The following BLCAP variants were observed in gnomAD, a reference collection of about 807,000 sequenced individuals.
BLCAP encodes the protein BLCAP apoptosis inducing factor.
BLCAP carries 1 observed loss-of-function variant against 5.7 expected under a neutral mutation model. The ratio of observed to expected loss-of-function variants is 0.18; its 90% confidence interval spans 0.06 to 0.83. The LOEUF is 0.83. Among genes scored for constraint, BLCAP ranks in the 40% least tolerant of loss-of-function variants. BLCAP has a pLI of 0.71. For missense variants in BLCAP, 66 were observed against 107.6 expected (o/e 0.61, Z 1.71); for synonymous variants, 48 against 49.4 (o/e 0.97, Z 0.11).
intron 1 of BLCAP, chr20:37,522,877 G>C (rs1271817392): frequency 2.2e-6 from 2 of 897,320 alleles, no homozygotes; most frequent in African/African-American, 1.7e-5. Flanking sequence ...CGCCAGAGGA[G>C]CACTTGGCAA....
At position 37,525,464 on chromosome 20, in the gene BLCAP, G is replaced by A. The variant is rs141794613; in HGVS notation, c.-177+2329C>T. Among the ~76,000 whole-genome samples the A allele has an allele frequency of 1.5e-3, 223 of 152,292 alleles. 2 individuals are homozygous for A. The highest frequency in any genetic ancestry group is 5.0e-3 in the African/African-American group (208 of 41,572). ...TTGGCAAAGCCCTTTTCCTCCATCCGTCCATCAGCAGGGCTGTGAGTGTGG... is the reference window on the plus strand; with the variant it reads ...TTGGCAAAGCCCTTTTCCTCCATCCATCCATCAGCAGGGCTGTGAGTGTGG... On this transcript the variant is annotated intron_variant, in intron 1 of 1. Transcript: ENST00000373537.
chr20:37,522,970 C>A, intron 1 of BLCAP: 1 of 523,698 alleles, frequency 1.9e-6, no homozygotes, highest in Non-Finnish European at 3.4e-6. Context: ...CCCCTTTGCA[C>A]CGGTCCCACT....
Position 37,526,541 on chromosome 20 carries a change from A to ACGCGTGGTTCTTGGTATAT in BLCAP, c.-177+1233_-177+1251dup, listed in dbSNP as rs529683644. The ACGCGTGGTTCTTGGTATAT allele has an allele frequency of 3.2e-3, 494 of 152,232 alleles. 3 individuals are homozygous for ACGCGTGGTTCTTGGTATAT. Among genetic ancestry groups the ACGCGTGGTTCTTGGTATAT allele is most frequent in the African/African-American group, 9.7e-3 (402 of 41,534 alleles). 9.4% of individuals were successfully genotyped at this position (152,232 alleles called of 1,614,324 possible). A position where few individuals can be genotyped will look rare whatever the true frequency, so the allele number is the denominator to read the frequency against. On this transcript the variant is annotated intron_variant, in intron 1 of 1. Coordinates refer to ENST00000373537, the MANE Select transcript of BLCAP (RefSeq NM_006698.4). Reference sequence around the variant, plus strand: ...GAGCAGGAAGTCAGAGAGGCAGGCAACGCGTGGTTCTTGGTATATCGCACA... The same window carrying ACGCGTGGTTCTTGGTATAT: ...GAGCAGGAAGTCAGAGAGGCAGGCAACGCGTGGTTCTTGGTATATCGCGTGGTTCTTGGTATATCGCACA...
intron 1 of BLCAP, chr20:37,527,162 C>G (rs2071736499): frequency 6.6e-6 from 1 of 152,166 alleles, no homozygotes; most frequent in Admixed American, 6.5e-5. Flanking sequence ...GTGCGCCAGG[C>G]ATTCCGTTCC....
chr20:37,519,246 C>T lies in BLCAP; in HGVS notation c.-72G>A, dbSNP rs552204672. On this transcript the variant is annotated 5_prime_UTR_variant, in exon 2 of 2. Coordinates refer to ENST00000373537, the MANE Select transcript of BLCAP (RefSeq NM_006698.4). ...CAGGAACCGACCTAATGGGAGCCAGCGGGCGCAGGCGGCTGCCCTCCGCTT... is the reference window on the plus strand; with the variant it reads ...CAGGAACCGACCTAATGGGAGCCAGTGGGCGCAGGCGGCTGCCCTCCGCTT... The T allele has an allele frequency of 1.6e-5, 24 of 1,478,390 alleles. No homozygotes were observed. The highest frequency in any genetic ancestry group is 2.8e-5 in the South Asian group (2 of 72,586). 91.6% of individuals were successfully genotyped at this position (1,478,390 alleles called of 1,614,324 possible).
chr20:37,523,147 C>A (rs1293431346), intron 1 of BLCAP: 1 of 189,292 alleles, frequency 5.3e-6, no homozygotes, highest in East Asian at 1.3e-4. Flanking sequence ...CCGCACCAGC[C>A]AGCAGAATGG....
In BLCAP at chr20:37,521,500, T is replaced by C. The variant is rs2071571864; in HGVS notation, c.-176-2150A>G. ...CGATTGCCGCTTCCCGGACCCGTCC[T>C]ATTCCGATTGCCGCGATCCTTGCCT... On this transcript the variant is annotated intron_variant, in intron 1 of 1. Coordinates refer to ENST00000373537, the MANE Select transcript of BLCAP (RefSeq NM_006698.4). This position sits in a 1 kb window ranked among gnomAD's most constrained non-coding sequence, Gnocchi z 4.5. 1.6e-6 allele frequency: 2 copies of C among 1,244,120 alleles called. No homozygotes were observed. Among genetic ancestry groups the C allele is most frequent in the African/African-American group, 3.0e-5 (2 of 67,736 alleles). The allele number at this position is 1,244,120 out of a possible 1,614,324, so 77.1% of individuals were successfully genotyped here. A position where few individuals can be genotyped will look rare whatever the true frequency, so the allele number is the denominator to read the frequency against.
chr20:37,520,583 T>C (rs6019062), intron 1 of BLCAP: 123,511 of 152,404 alleles, frequency 0.81, 50,461 homozygotes, highest in East Asian at 0.99. Context: ...GTATCCCTCC[T>C]ACAGATACCG....
chr20:37,526,456 C>T (rs575387879), intron 1 of BLCAP, among the ~76,000 whole-genome samples: 1 of 152,298 alleles, frequency 6.6e-6, no homozygotes, highest in Admixed American at 6.5e-5. Context: ...CCCTCCCCGA[C>T]TTGCCCTCCC....
Position 37,518,454 on chromosome 20 carries a change from GA to G in BLCAP, c.*456del. 1 of 157,500 alleles carries G rather than the reference GA, an allele frequency of 6.3e-6. No individual in the cohort carries two copies. The highest frequency in any genetic ancestry group is 2.0e-4 in the South Asian group (1 of 5,118). 9.8% of individuals were successfully genotyped at this position (157,500 alleles called of 1,614,324 possible). On this transcript the variant is annotated 3_prime_UTR_variant, in exon 2 of 2. Coordinates refer to ENST00000373537, the MANE Select transcript of BLCAP (RefSeq NM_006698.4). ...CTTGGACAGGTACTCCCCAAAAAAG[GA>G]AAAGGGTAGAAGAGAAATAAAGGGA...
Position 37,521,478 on chromosome 20 carries a change from T to C in BLCAP, c.-176-2128A>G, listed in dbSNP as rs2071570103. ...TAGAACCCGCAAGACTGCGTCGCGA[T>C]TGCCGCTTCCCGGACCCGTCCTATT... On this transcript the variant is annotated intron_variant, in intron 1 of 1. Transcript: ENST00000373537. The surrounding 1 kb of genome is among the most constrained non-coding windows in gnomAD (Gnocchi z 4.5). 30 of 1,443,266 alleles carry C rather than the reference T, an allele frequency of 2.1e-5. No homozygotes were observed. In the South Asian group the frequency reaches 3.4e-4, roughly 16 times the overall value. 89.4% of individuals were successfully genotyped at this position (1,443,266 alleles called of 1,614,324 possible).
Position 37,522,557 on chromosome 20 carries a change from C to A in BLCAP, c.-176-3207G>T, listed in dbSNP as rs1049408855. On this transcript the variant is annotated intron_variant, in intron 1 of 1. Coordinates refer to ENST00000373537, the MANE Select transcript of BLCAP (RefSeq NM_006698.4). ...CGCCCGCGCCCGCCTCTCCAGCCTACGCTGGATGGGCGGGCGGGGCAGGGG... is the reference window on the plus strand; with the variant it reads ...CGCCCGCGCCCGCCTCTCCAGCCTAAGCTGGATGGGCGGGCGGGGCAGGGG... 18 of 993,236 alleles carry A rather than the reference C, an allele frequency of 1.8e-5. No individual in the cohort carries two copies. In the South Asian group the frequency reaches 2.6e-4, roughly 14 times the overall value. The allele number at this position is 993,236 out of a possible 1,614,324, so 61.5% of individuals were successfully genotyped here.
chr20:37,519,267 C>T lies in BLCAP; in HGVS notation c.-93G>A, dbSNP rs2071473921. 5.6e-6 allele frequency: 8 copies of T among 1,427,300 alleles called. No individual in the cohort carries two copies. Among genetic ancestry groups the T allele is most frequent in the Non-Finnish European group, 6.5e-6 (7 of 1,069,254 alleles). 88.4% of individuals were successfully genotyped at this position (1,427,300 alleles called of 1,614,324 possible). ...CCAGCGGGCGCAGGCGGCTGCCCTC[C>T]GCTTTCTTCAACCCTCACTCTCCAG... is the stretch of plus-strand genomic sequence containing the variant. On this transcript the variant is annotated 5_prime_UTR_variant, in exon 2 of 2. Transcript: ENST00000373537.
At chr20:37,526,116 G>C (rs1452660983) in intron 1 of BLCAP, among the ~76,000 whole-genome samples, 1 of 152,106 alleles carries the variant, frequency 6.6e-6, no homozygotes, top group Non-Finnish European at 1.5e-5. Context: ...TGCTGTCAGG[G>C]AAGGGCAGGG....
chr20:37,521,175 T>G lies in BLCAP; in HGVS notation c.-176-1825A>C. On this transcript the variant is annotated intron_variant, in intron 1 of 1. Transcript: ENST00000373537. This position sits in a 1 kb window ranked among gnomAD's most constrained non-coding sequence, Gnocchi z 4.5. ...GAGCGCCCCCAGCCACCCCTCCTCA[T>G]AAACACCCCCCAAGGCGCGCATGCG... 1 of 728,740 alleles carries G rather than the reference T, an allele frequency of 1.4e-6. No homozygotes were observed. The highest frequency in any genetic ancestry group is 2.4e-6 in the Non-Finnish European group (1 of 414,404). 45.1% of individuals were successfully genotyped at this position (728,740 alleles called of 1,614,324 possible). A position where few individuals can be genotyped will look rare whatever the true frequency, so the allele number is the denominator to read the frequency against.
chr20:37,522,702 G>A (rs6095086), intron 1 of BLCAP: 6 of 1,612,250 alleles, frequency 3.7e-6, no homozygotes, highest in East Asian at 2.2e-5. Context: ...TGGCATACAC[G>A]GTGTCGCGGA....
intron 1 of BLCAP, among the ~76,000 whole-genome samples, chr20:37,526,480 A>G (rs907174652): frequency 6.6e-6 from 1 of 152,016 alleles, no homozygotes; most frequent in Admixed American, 6.6e-5. Context: ...GGGCCCATGC[A>G]TGCCCCAGCA....
chr20:37,518,678 G>C lies in BLCAP; in HGVS notation c.*233C>G. The stretch of plus-strand genomic sequence containing the variant: ...CATGCGGCCAGCCAGGACCTAGATG[G>C]GGACAGAACACACACAACCACAAGA... On this transcript the variant is annotated 3_prime_UTR_variant, in exon 2 of 2. Transcript: ENST00000373537. 1 of 593,130 alleles carries C rather than the reference G, an allele frequency of 1.7e-6. No homozygotes were observed. Among genetic ancestry groups the C allele is most frequent in the South Asian group, 2.1e-5 (1 of 46,784 alleles). 36.7% of individuals were successfully genotyped at this position (593,130 alleles called of 1,614,324 possible).
rs1000075729 is a variant in BLCAP, at chr20:37,519,404, CAAAAAAAAAAAAAAAAAAAGAA to C, written c.-176-76_-176-55del. The C allele has an allele frequency of 5.5e-3, 235 of 43,000 alleles. 4 individuals carry two copies. Among genetic ancestry groups the C allele is most frequent in the South Asian group, 0.015 (14 of 952 alleles). 2.7% of individuals were successfully genotyped at this position (43,000 alleles called of 1,614,324 possible). ...AACAGACAAAGAACAGACAGACAGA[CAAAAAAAAAAAAAAAAAAAGAA>C]AAAAAAAAAAAAAACAGGAACAGAA... On this transcript the variant is annotated intron_variant, in intron 1 of 1. Transcript: ENST00000373537.
Sources: allele counts gnomAD v4.1 joint callset (sites outside exome capture counted in the v4.1 genomes callset), GRCh38; gene constraint gnomAD v4.1.1; non-coding constraint Gnocchi (gnomAD v3.1); transcripts MANE v1.5; gene names NCBI Gene and HGNC (gene_info 2026-07-23, HGNC 2026-07-21).